HTR3C: variants seen among roughly 807,000 people sequenced by gnomAD.
HTR3C encodes the protein 5-HT3-C.
In HTR3C, 32 loss-of-function variants were observed where a neutral mutation model predicts 40.5. The ratio of observed to expected loss-of-function variants is 0.79; its 90% CI spans 0.60 to 1.06. HTR3C has a LOEUF of 1.06. Among genes scored for constraint, HTR3C ranks in the 50% least tolerant of loss-of-function variants. The pLI, the probability that HTR3C is intolerant of heterozygous loss-of-function variation, is 0.00. For synonymous variants in HTR3C, 209 were observed against 217.1 expected (o/e 0.96, Z 0.33); for missense variants, 523 against 556.8 (o/e 0.94, Z 0.61).
Position 184,060,337 on chromosome 3 carries a change from C to T in HTR3C, c.1329C>T (p.Val443=). The T allele has an allele frequency of 1.2e-6, 2 of 1,614,186 alleles. No homozygotes were observed. The highest frequency in any genetic ancestry group is 1.7e-5 in the Admixed American group (1 of 60,016). Residue 443 remains valine (V), a synonymous_variant, in exon 9 of 9, where the codon GTC becomes GTT. Coordinates refer to ENST00000318351, the MANE Select transcript of HTR3C (RefSeq NM_130770.3). ...CCTCCTCCATCCTTACTGTCATTGT[C>T]CTCTGGAACACCTAGGCAGACATCC... ...FMASSILTVI[V]LWNT
chr3:184,060,349 C>T lies in HTR3C; in HGVS notation c.1341C>T (p.Thr447=), dbSNP rs139175772. The change falls in exon 9 of 9, where the codon ACC becomes ACT. Residue 447 remains threonine (T), a synonymous_variant. Transcript: ENST00000318351. The part of the protein sequence containing the change: ...SILTVIVLWN[T] ...TTACTGTCATTGTCCTCTGGAACAC[C>T]TAGGCAGACATCCCCCCTCTCTGGC... 695 of 1,614,058 alleles carry T rather than the reference C, an allele frequency of 4.3e-4. No individual in the cohort carries two copies. Among genetic ancestry groups the T allele is most frequent in the Non-Finnish European group, 5.5e-4 (650 of 1,180,022 alleles).
chr3:184,055,285 A>C lies in HTR3C; in HGVS notation c.235-27A>C, dbSNP rs200693722. ...ATTGGCCAAACCTTTTAACACTAATAATCCTGAGTGGAAATTTCCTTGTCA... is the reference window on the plus strand; with the variant it reads ...ATTGGCCAAACCTTTTAACACTAATCATCCTGAGTGGAAATTTCCTTGTCA... On this transcript the variant is annotated intron_variant, in intron 2 of 8. Coordinates refer to ENST00000318351, the MANE Select transcript of HTR3C (RefSeq NM_130770.3). The C allele has an allele frequency of 1.0e-5, 16 of 1,556,670 alleles. No homozygotes were observed. The Admixed American group carries it at 1.8e-4, about 18-fold the overall frequency.
At chr3:184,056,340 C>A in intron 4 of HTR3C, 54 bp downstream of exon 4, 1 of 1,236,494 alleles carries the variant, frequency 8.1e-7, no homozygotes, top group Non-Finnish European at 1.2e-6. Flanking sequence ...CGAGAACAGC[C>A]TAGGGTCAGC....
At chr3:184,056,755 CA>C in intron 4 of HTR3C, 119 bp from the exon 5 acceptor site, 1 of 954,176 alleles carries the variant, frequency 1.0e-6, no homozygotes, top group Non-Finnish European at 1.5e-6. Flanking sequence ...TCAAAAACAA[CA>C]AAAAAATAAA....
Position 184,056,895 on chromosome 3 carries a change from C to T in HTR3C, c.410C>T (p.Pro137Leu). 1.9e-6 allele frequency: 3 copies of T among 1,610,756 alleles called. No homozygotes were observed. Among genetic ancestry groups the T allele is most frequent in the Non-Finnish European group, 2.5e-6 (3 of 1,177,650 alleles). Residue 137 changes from proline (P) to leucine (L), a missense_variant, in exon 5 of 9, where the codon CCT becomes CTT. Pro to Leu is a moderately conservative substitution (Grantham distance 98, BLOSUM62 -3). Coordinates refer to ENST00000318351, the MANE Select transcript of HTR3C (RefSeq NM_130770.3). ...IVESMDVDQT[P>L]SGLTAYISSE... ...AACAGCATGGATGTGGATCAGACGCCTTCCGGTCTCACTGCCTATATCAGC... is the reference window on the plus strand; with the variant it reads ...AACAGCATGGATGTGGATCAGACGCTTTCCGGTCTCACTGCCTATATCAGC...
chr3:184,053,268 G>A, intron 1 of HTR3C, 121 bp downstream of exon 1: 1 of 723,554 alleles, frequency 1.4e-6, no homozygotes, highest in Non-Finnish European at 2.4e-6. Flanking sequence ...TAATGTCTGT[G>A]TCCTGATTTC....
At position 184,058,601 on chromosome 3, in the gene HTR3C, C is replaced by T. The variant is rs1037282820; in HGVS notation, c.720+14C>T. On this transcript the variant is annotated intron_variant, in intron 6 of 8. Coordinates refer to ENST00000318351, the MANE Select transcript of HTR3C (RefSeq NM_130770.3). Reference sequence around the variant, plus strand: ...ATCATGTTTTATGTGAGTCCAGGGGCCCCTGTTTGACTTCTGATCCCAGCA... The same window carrying T: ...ATCATGTTTTATGTGAGTCCAGGGGTCCCTGTTTGACTTCTGATCCCAGCA... The T allele has an allele frequency of 1.2e-6, 2 of 1,602,516 alleles. No individual in the cohort carries two copies. The highest frequency in any genetic ancestry group is 2.7e-5 in the African/African-American group (2 of 73,996).
chr3:184,057,429 ACT>A (rs1171437304), intron 5 of HTR3C, among the ~76,000 whole-genome samples: 1 of 152,040 alleles, frequency 6.6e-6, no homozygotes, highest in Admixed American at 6.6e-5. Context: ...ACACAGTGAG[ACT>A]CTGTTTTTAA....
At chr3:184,058,297 A>C (rs1446881775) in intron 5 of HTR3C, 130 bp from the exon 6 acceptor site, 5 of 868,974 alleles carry the variant, frequency 5.8e-6, no homozygotes, top group Non-Finnish European at 8.3e-6. Flanking sequence ...ACTTCTGAGA[A>C]AACCAGGATA....
In HTR3C at chr3:184,059,693, A is replaced by C. The variant is rs1278252728; in HGVS notation, c.925+53A>C. ...GAAAGGGCACCCGGGGCCAGGGAGG[A>C]GGGCCAGGAGAAATGGCCGCTGCTC... On this transcript the variant is annotated intron_variant, in intron 7 of 8. Coordinates refer to ENST00000318351, the MANE Select transcript of HTR3C (RefSeq NM_130770.3). 3.7e-6 allele frequency: 6 copies of C among 1,603,918 alleles called. No individual in the cohort carries two copies. The East Asian group carries it at 1.1e-4, about 30-fold the overall frequency.
At chr3:184,059,791 A>T in intron 7 of HTR3C, 37 bp from the exon 8 acceptor site, 1 of 1,610,084 alleles carries the variant, frequency 6.2e-7, no homozygotes, top group Non-Finnish European at 8.5e-7. Flanking sequence ...TTAGAGATAA[A>T]TTTGCCTGGT....
At chr3:184,059,072 C>T (rs1018096901) in intron 6 of HTR3C, among the ~76,000 whole-genome samples, 21 of 152,176 alleles carry the variant, frequency 1.4e-4, no homozygotes, top group African/African-American at 3.9e-4. Flanking sequence ...AGGCCTCCCC[C>T]ACTCCCCATT....
rs1424523884 is a variant in HTR3C at position 184,060,191 on chromosome 3, C to G, written c.1183C>G (p.Pro395Ala). Residue 395 changes from proline (P) to alanine (A), a missense_variant, in exon 9 of 9, where the codon CCC (proline) becomes GCC (alanine). By Grantham distance (27) the Pro-to-Ala change is conservative. Transcript: ENST00000318351. ...PGELAGKKLG[P>A]RETEPDGGSG... ...GGAGTTAGCAGGGAAGAAGCTGGGACCCAGAGAGACCGAGCCAGATGGGGG... is the reference window on the plus strand; with the variant it reads ...GGAGTTAGCAGGGAAGAAGCTGGGAGCCAGAGAGACCGAGCCAGATGGGGG... 2.5e-6 allele frequency: 4 copies of G among 1,614,160 alleles called. No individual in the cohort carries two copies.
chr3:184,055,966 G>A (rs1723315694), intron 3 of HTR3C, among the ~76,000 whole-genome samples: 1 of 146,060 alleles, frequency 6.8e-6, no homozygotes, highest in Non-Finnish European at 1.5e-5. Flanking sequence ...GTGGTTTTAG[G>A]CCATATTTAA....
In HTR3C at chr3:184,060,250, G is replaced by A. The variant is rs752005772; in HGVS notation, c.1242G>A (p.Leu414=). The A allele has an allele frequency of 1.9e-5, 31 of 1,614,158 alleles. No individual in the cohort carries two copies. Among genetic ancestry groups the A allele is most frequent in the Non-Finnish European group, 2.6e-5 (31 of 1,180,034 alleles). Residue 414 remains leucine (L), a synonymous_variant, in exon 9 of 9, where the codon CTG becomes CTA. Coordinates refer to ENST00000318351, the MANE Select transcript of HTR3C (RefSeq NM_130770.3). ...GGACAAAGACCCAGCTAATGGAGCT[G>A]TGGGTGCAGTTCAGCCACGCGATGG... ...SGWTKTQLME[L]WVQFSHAMDT...
chr3:184,058,578 C>T lies in HTR3C; in HGVS notation c.711C>T (p.Ile237=), dbSNP rs1426879691. Residue 237 remains isoleucine (I), a synonymous_variant, in exon 6 of 9, where the codon ATC becomes ATT. Transcript: ENST00000318351. ...MSMGNNLYDQ[I]MFYVAIRRRP... ...TGGGCAACAACCTATATGACCAGATCATGTTTTATGTGAGTCCAGGGGCCC... is the reference window on the plus strand; with the variant it reads ...TGGGCAACAACCTATATGACCAGATTATGTTTTATGTGAGTCCAGGGGCCC... 1 of 1,611,536 alleles carries T rather than the reference C, an allele frequency of 6.2e-7. No individual in the cohort carries two copies. The highest frequency in any genetic ancestry group is 1.3e-5 in the African/African-American group (1 of 74,724).
intron 6 of HTR3C, 31 bp from the exon 7 acceptor site, chr3:184,059,405 T>G (rs529622627): frequency 6.3e-7 from 1 of 1,598,006 alleles, no homozygotes; most frequent in South Asian, 1.1e-5. Context: ...TGACATCTAT[T>G]TATTTGCCAT....
Position 184,060,053 on chromosome 3 carries a change from G to A in HTR3C, c.1141+10G>A. ...CTCACCCACCTGCCTGGTGAGGGAAGCCAGCACTGTCCATACTCGCCCTTC... is the reference window on the plus strand; with the variant it reads ...CTCACCCACCTGCCTGGTGAGGGAAACCAGCACTGTCCATACTCGCCCTTC... On this transcript the variant is annotated intron_variant, in intron 8 of 8. Transcript: ENST00000318351. 6.2e-7 allele frequency: 1 copy of A among 1,611,746 alleles called. No individual in the cohort carries two copies. Among genetic ancestry groups the A allele is most frequent in the Non-Finnish European group, 8.5e-7 (1 of 1,179,076 alleles).
At chr3:184,054,916 T>C in intron 2 of HTR3C, 29 bp downstream of exon 2, 1 of 1,573,822 alleles carries the variant, frequency 6.4e-7, no homozygotes, top group Non-Finnish European at 8.6e-7. Context: ...ATCTTTTCCA[T>C]GGCTTCTAAT....
Sources: allele counts gnomAD v4.1 joint callset (sites outside exome capture counted in the v4.1 genomes callset), GRCh38; gene constraint gnomAD v4.1.1; transcripts MANE v1.5; gene names NCBI Gene and HGNC (gene_info 2026-07-23, HGNC 2026-07-21).